ADGRE3: variants seen among roughly 807,000 people sequenced by gnomAD.
ADGRE3 encodes adhesion G protein-coupled receptor E3.
ADGRE3 carries 88 observed loss-of-function variants against 80.1 expected under a neutral mutation model. The ratio of observed to expected loss-of-function variants is 1.10; its 90% CI spans 0.93 to 1.31. ADGRE3 has a LOEUF of 1.31. Among genes scored for constraint, ADGRE3 ranks in the 40% most tolerant of loss-of-function variants. ADGRE3 has a pLI of 0.00. For missense variants in ADGRE3, 715 were observed against 776.5 expected (o/e 0.92, Z 0.94); for synonymous variants, 281 against 294.8 (o/e 0.95, Z 0.48).
chr19:14,629,179 C>T lies in ADGRE3; in HGVS notation c.1812+860G>A, dbSNP rs113531485. 2.9e-3 allele frequency among the ~76,000 whole-genome samples: 440 copies of T among 152,316 alleles called. 4 individuals carry two copies. Among genetic ancestry groups the T allele is most frequent in the African/African-American group, 0.01 (419 of 41,570 alleles). On this transcript the variant is annotated intron_variant, in intron 14 of 15. Coordinates refer to ENST00000253673, the MANE Select transcript of ADGRE3 (RefSeq NM_032571.5). ...GCACAAGTGATCCCCCTGTGCTGGC[C>T]TCCCAAAGTGCTGGGATTACAGGCG...
chr19:14,643,099 A>C (rs1408186667), intron 9 of ADGRE3, among the ~76,000 whole-genome samples: 3 of 144,072 alleles, frequency 2.1e-5, no homozygotes, highest in Non-Finnish European at 4.5e-5. Flanking sequence ...TTATTTTTTG[A>C]CTTTTTAATA....
rs986288024 is a variant in ADGRE3 at position 14,668,866 on chromosome 19, G to C, written c.26-14C>G. 23 of 1,613,506 alleles carry C rather than the reference G, an allele frequency of 1.4e-5. No homozygotes were observed. Among genetic ancestry groups the C allele is most frequent in the Non-Finnish European group, 1.9e-5 (23 of 1,179,518 alleles). ...GAAAGCAGAGGCCTGGAATAGATGG[G>C]AAACAGAAGGGAGAGACATGAAACA... On this transcript the variant is annotated splice_polypyrimidine_tract_variant and intron_variant, in intron 1 of 15. Transcript: ENST00000253673.
chr19:14,652,649 G>A (rs1270524568), intron 6 of ADGRE3, among the ~76,000 whole-genome samples: 1 of 151,686 alleles, frequency 6.6e-6, no homozygotes, highest in African/African-American at 2.4e-5. Flanking sequence ...ATGGTGGCAG[G>A]CACCTTTAAT....
chr19:14,604,158 C>T, the ADGRE3 span, among the ~76,000 whole-genome samples: 35 of 152,188 alleles, frequency 2.3e-4, no homozygotes, highest in African/African-American at 7.5e-4. Flanking sequence ...AAGACCTTTC[C>T]GCTCTCTGAT....
chr19:14,610,005 A>G, the ADGRE3 span: 6 of 1,268,356 alleles, frequency 4.7e-6, no homozygotes, highest in Non-Finnish European at 6.9e-6. Context: ...AGTATTATAC[A>G]GAAGAGTTTC....
the ADGRE3 span, chr19:14,610,098 G>C: frequency 6.2e-7 from 1 of 1,613,074 alleles, no homozygotes; most frequent in Non-Finnish European, 8.5e-7. Flanking sequence ...TAACATCCAC[G>C]ATGAGGACTG....
chr19:14,668,614 GATAA>G (rs1972168304), intron 2 of ADGRE3, 184 bp downstream of exon 2: 2 of 539,772 alleles, frequency 3.7e-6, no homozygotes, highest in Admixed American at 3.4e-5. Flanking sequence ...CAAACAAAAC[GATAA>G]ATAAAAGGCT....
At chr19:14,614,419 A>G (rs2075063893), downstream of ADGRE3, among the ~76,000 whole-genome samples, 1 of 152,202 alleles carries the variant, frequency 6.6e-6, no homozygotes, top group South Asian at 2.1e-4. Flanking sequence ...TAAATATGAA[A>G]GAGGTCACTT....
At chr19:14,674,600 G>A in intron 1 of ADGRE3, 146 bp downstream of exon 1, 1 of 705,768 alleles carries the variant, frequency 1.4e-6, no homozygotes, top group Non-Finnish European at 2.3e-6. Flanking sequence ...GAATAGGGTA[G>A]TCAGGAAGGA....
downstream of ADGRE3, among the ~76,000 whole-genome samples, chr19:14,617,200 G>A (rs2075079594): frequency 6.6e-6 from 1 of 150,768 alleles, no homozygotes; most frequent in African/African-American, 2.4e-5. Flanking sequence ...GCCTGAACAT[G>A]TGTCCTCTCT....
intron 14 of ADGRE3, among the ~76,000 whole-genome samples, chr19:14,628,277 C>CAA (rs371415747): frequency 0.068 from 9,425 of 139,048 alleles, 349 homozygotes; most frequent in East Asian, 0.14. Context: ...ACTAAAAATA[C>CAA]AAAAAAAAAA....
At chr19:14,671,633 T>A (rs4555272) in intron 1 of ADGRE3, among the ~76,000 whole-genome samples, 1 of 152,074 alleles carries the variant, frequency 6.6e-6, no homozygotes, top group Non-Finnish European at 1.5e-5. Context: ...TTTTTCTTCC[T>A]GTAATTCTCA....
chr19:14,607,125 GTC>G, the ADGRE3 span: 1 of 1,173,142 alleles, frequency 8.5e-7, no homozygotes, highest in Non-Finnish European at 1.1e-6. Flanking sequence ...GTTTCCTGGG[GTC>G]TCTCTGCTTC....
At chr19:14,610,247 G>A in the ADGRE3 span, 1 of 1,541,926 alleles carries the variant, frequency 6.5e-7, no homozygotes. Flanking sequence ...TTTGAGATGA[G>A]AATCTCCTGC....
chr19:14,648,755 G>C (rs372847518), intron 7 of ADGRE3, among the ~76,000 whole-genome samples: 5 of 152,258 alleles, frequency 3.3e-5, no homozygotes, highest in African/African-American at 1.2e-4. Flanking sequence ...AAGGTCTCCT[G>C]AGAAAGAGGT....
rs113133864 is a variant in ADGRE3 at position 14,670,735 on chromosome 19, C to T, written c.26-1883G>A. Among the ~76,000 whole-genome samples, 1,159 of 152,324 alleles carry T rather than the reference C, an allele frequency of 7.6e-3. 14 individuals are homozygous for T. Among genetic ancestry groups the T allele is most frequent in the African/African-American group, 0.027 (1,122 of 41,564 alleles). On this transcript the variant is annotated intron_variant, in intron 1 of 15. Coordinates refer to ENST00000253673, the MANE Select transcript of ADGRE3 (RefSeq NM_032571.5). ...GAAAGTGCTATTAGCATCATCTCTG[C>T]TTTTCAGATTAAGAAATGGAGGCAC...
intron 7 of ADGRE3, among the ~76,000 whole-genome samples, chr19:14,649,115 T>C (rs1971503397): frequency 6.7e-6 from 1 of 149,112 alleles, no homozygotes; most frequent in African/African-American, 2.5e-5. Flanking sequence ...TCTCTCCCCA[T>C]CTCTCGAATT....
chr19:14,664,341 G>A (rs554979381), intron 2 of ADGRE3, among the ~76,000 whole-genome samples: 107 of 152,254 alleles, frequency 7.0e-4, no homozygotes, highest in Middle Eastern at 6.8e-3. Flanking sequence ...GGGGGCTGAG[G>A]CAGGAGAATG....
chr19:14,615,757 T>TAA (rs559844563), downstream of ADGRE3, among the ~76,000 whole-genome samples: 30 of 136,188 alleles, frequency 2.2e-4, no homozygotes, highest in African/African-American at 3.8e-4. Flanking sequence ...GAGACTCTGC[T>TAA]AAAAAAAAAA....
Sources: gnomAD v4.1 joint callset for allele counts (sites outside exome capture counted in the v4.1 genomes callset) on GRCh38, gnomAD v4.1.1 for gene constraint, MANE v1.5 for transcripts, NCBI Gene and HGNC (gene_info 2026-07-23, HGNC 2026-07-21) for gene names.